The following MKLN1 variants were observed in gnomAD, a reference collection of about 807,000 sequenced individuals.
The protein encoded by MKLN1 is muskelin.
MKLN1 carries 18 observed loss-of-function variants against 99.0 expected under a neutral mutation model. That is an observed-to-expected ratio of 0.18 (90% confidence interval 0.13 to 0.27). The LOEUF is 0.27. Ranked by LOEUF, MKLN1 falls within the 10% of genes least tolerant of loss-of-function variation. The pLI is 1.00. For synonymous variants in MKLN1, 288 were observed against 293.2 expected (o/e 0.98, Z 0.18); for missense variants, 621 against 875.9 (o/e 0.71, Z 3.67).
chr7:131,207,764 G>A (rs1584834344), intron 3 of MKLN1, among the ~76,000 whole-genome samples: 1 of 152,156 alleles, frequency 6.6e-6, no homozygotes, highest in Admixed American at 6.5e-5. Context: ...AAGGCTGAGA[G>A]GATCATAGAA....
chr7:131,283,765 A>G (rs542770386), intron 3 of MKLN1, among the ~76,000 whole-genome samples: 29 of 152,272 alleles, frequency 1.9e-4, no homozygotes, highest in African/African-American at 7.0e-4. Context: ...AACTCTCTCC[A>G]GAGGTAACCA....
intron 3 of MKLN1, among the ~76,000 whole-genome samples, chr7:131,222,131 T>A (rs566710891): frequency 1.3e-5 from 2 of 152,244 alleles, no homozygotes; most frequent in East Asian, 3.9e-4. Flanking sequence ...TCACTTTAAG[T>A]GATCTGCCCA....
intron 3 of MKLN1, among the ~76,000 whole-genome samples, chr7:131,311,816 ATC>A (rs1490570684): frequency 4.3e-5 from 6 of 140,880 alleles, no homozygotes; most frequent in African/African-American, 1.5e-4. Flanking sequence ...GACCAACAGA[ATC>A]TCTCTTTCCC....
At chr7:131,433,371 T>G (rs1795582876) in intron 9 of MKLN1, among the ~76,000 whole-genome samples, 1 of 152,230 alleles carries the variant, frequency 6.6e-6, no homozygotes, top group African/African-American at 2.4e-5. Context: ...TACATCAGTT[T>G]GTCTGATATT....
At chr7:131,346,517 T>A (rs747916050) in intron 1 of MKLN1, among the ~76,000 whole-genome samples, 68 of 77,616 alleles carry the variant, frequency 8.8e-4, no homozygotes, top group Non-Finnish European at 1.4e-3. Flanking sequence ...CGAGACTCAG[T>A]CTCAAAAAAA....
At chr7:131,318,197 C>T (rs1429894182) in intron 3 of MKLN1, among the ~76,000 whole-genome samples, 4 of 152,022 alleles carry the variant, frequency 2.6e-5, no homozygotes, top group African/African-American at 7.3e-5. Flanking sequence ...TAAAATTGAC[C>T]ACATAATAGG....
In MKLN1 at chr7:131,456,725, C is replaced by T. The variant is rs117193918; in HGVS notation, c.1526-6492C>T. 3.1e-4 allele frequency among the ~76,000 whole-genome samples: 47 copies of T among 152,180 alleles called. 1 individual carries two copies. In the East Asian group the frequency reaches 4.1e-3, roughly 13 times the overall value. On this transcript the variant is annotated intron_variant, in intron 12 of 17. Transcript: ENST00000352689. ...AAGGTACAAAACTGTTGCATAGGGG[C>T]GTGATCATATATGGACATGATTCTT... is the stretch of plus-strand genomic sequence containing the variant.
chr7:131,479,868 A>C (rs1324391499), intron 17 of MKLN1, among the ~76,000 whole-genome samples: 1 of 148,198 alleles, frequency 6.7e-6, no homozygotes, highest in Non-Finnish European at 1.5e-5. Flanking sequence ...ATAAATAAAT[A>C]AATAAATCAG....
At chr7:131,413,576 C>T (rs575357414) in intron 7 of MKLN1, among the ~76,000 whole-genome samples, 59 of 151,748 alleles carry the variant, frequency 3.9e-4, no homozygotes, top group Non-Finnish European at 7.2e-4. Flanking sequence ...GTCTTACTCT[C>T]GTTGCCCAGC....
intron 1 of MKLN1, among the ~76,000 whole-genome samples, chr7:131,124,111 C>T (rs1263528214): frequency 6.6e-6 from 1 of 152,136 alleles, no homozygotes. Flanking sequence ...TAACACCTAC[C>T]TCTCAAGGAG....
intron 2 of MKLN1, among the ~76,000 whole-genome samples, chr7:131,159,894 G>A (rs972839409): frequency 2.6e-5 from 4 of 152,040 alleles, no homozygotes; most frequent in Admixed American, 6.6e-5. Flanking sequence ...TCTTATCATC[G>A]TCATTGTAAA....
intron 1 of MKLN1, among the ~76,000 whole-genome samples, chr7:131,139,845 G>A (rs1795705204): frequency 6.6e-6 from 1 of 152,114 alleles, no homozygotes; most frequent in African/African-American, 2.4e-5. Context: ...CTGCAGTTTT[G>A]GCCAAGACCA....
Position 131,327,932 on chromosome 7 carries a change from C to G in MKLN1, c.33C>G (p.Pro11=), listed in dbSNP as rs748516414. The change falls in exon 1 of 18, where the codon CCC becomes CCG. Residue 11 remains proline (P), a synonymous_variant. Coordinates refer to ENST00000352689, the MANE Select transcript of MKLN1 (RefSeq NM_013255.5). ...CTGGCGGAGCTGTCGCTGCGGCGCC[C>G]GAGTGCCGGCTTCTCCCCTACGCGC... is the stretch of plus-strand genomic sequence containing the variant. MAAGGAVAAA[P]ECRLLPYALH... 3.1e-6 allele frequency: 5 copies of G among 1,613,242 alleles called. No individual in the cohort carries two copies. Among genetic ancestry groups the G allele is most frequent in the South Asian group, 1.1e-5 (1 of 91,080 alleles).
At chr7:131,184,784 C>G (rs570737897) in intron 2 of MKLN1, among the ~76,000 whole-genome samples, 18 of 152,262 alleles carry the variant, frequency 1.2e-4, no homozygotes, top group African/African-American at 4.1e-4. Flanking sequence ...GCCTTGGCCT[C>G]CAAAGTGCTG....
At chr7:131,273,832 C>A (rs909588030) in intron 3 of MKLN1, among the ~76,000 whole-genome samples, 1 of 151,950 alleles carries the variant, frequency 6.6e-6, no homozygotes, top group African/African-American at 2.4e-5. Context: ...TCTAGAAAAA[C>A]CCCTGGCTTC....
intron 1 of MKLN1, 86 bp downstream of exon 1, chr7:131,328,083 C>T (rs1798944387): frequency 2.0e-6 from 3 of 1,509,256 alleles, no homozygotes; most frequent in East Asian, 2.4e-5. Context: ...GCAGCCGAGC[C>T]GAGAGGCCCA....
intron 1 of MKLN1, among the ~76,000 whole-genome samples, chr7:131,121,502 G>A (rs1795368564): frequency 6.6e-6 from 1 of 151,870 alleles, no homozygotes; most frequent in Admixed American, 6.6e-5. Flanking sequence ...GCTGGGTGTG[G>A]TGGCGGGTGC....
At chr7:131,198,727 G>C (rs1796684259) in intron 2 of MKLN1, among the ~76,000 whole-genome samples, 2 of 152,096 alleles carry the variant, frequency 1.3e-5, no homozygotes, top group Admixed American at 1.3e-4. Flanking sequence ...ATTGAACGGA[G>C]AGGTTTTAAA....
intron 2 of MKLN1, among the ~76,000 whole-genome samples, chr7:131,199,786 A>G (rs1796699819): frequency 1.3e-5 from 2 of 152,172 alleles, no homozygotes; most frequent in South Asian, 2.1e-4. Flanking sequence ...ATCTGCTGCC[A>G]GGGTTCAAGT....
Sources: allele counts gnomAD v4.1 joint callset (sites outside exome capture counted in the v4.1 genomes callset), GRCh38; gene constraint gnomAD v4.1.1; transcripts MANE v1.5; gene names NCBI Gene and HGNC (gene_info 2026-07-23, HGNC 2026-07-21).